The following TGM3 variants were observed in gnomAD, a reference collection of about 807,000 sequenced individuals.
TGM3 encodes the protein protein-glutamine gamma-glutamyltransferase E.
In TGM3, 52 loss-of-function variants were observed where a neutral mutation model predicts 73.8. The ratio of observed to expected loss-of-function variants is 0.70; its 90% confidence interval spans 0.56 to 0.89. TGM3 has a LOEUF of 0.89. Among genes scored for constraint, TGM3 ranks in the 40% least tolerant of loss-of-function variants. TGM3 has a pLI of 0.00. For missense variants in TGM3, 928 were observed against 909.9 expected (o/e 1.02, Z -0.26); for synonymous variants, 372 against 354.9 (o/e 1.05, Z -0.54).
chr20:2,328,062 G>T lies in TGM3; in HGVS notation c.1088-58G>T. On this transcript the variant is annotated intron_variant, in intron 8 of 12. Transcript: ENST00000381458. This position sits in a 1 kb window ranked among gnomAD's most constrained non-coding sequence, Gnocchi z 5.2. ...TGGTCCTGGAAGGCCCTGGGGAATC[G>T]GGCACTGGGTAGGTTGTGGCCTTGG... The T allele has an allele frequency of 6.2e-7, 1 of 1,605,746 alleles. No individual in the cohort carries two copies.
chr20:2,321,586 G>A (rs1817372623), intron 7 of TGM3, among the ~76,000 whole-genome samples: 1 of 152,194 alleles, frequency 6.6e-6, no homozygotes, highest in African/African-American at 2.4e-5. Context: ...GTCAAAGACT[G>A]CATGAGAATT....
chr20:2,311,553 T>G (rs2084203551), intron 4 of TGM3, among the ~76,000 whole-genome samples: 1 of 152,206 alleles, frequency 6.6e-6, no homozygotes, highest in Non-Finnish European at 1.5e-5. Context: ...CACACCCTTT[T>G]GTTCCTTTAT....
intron 5 of TGM3, 95 bp from the exon 6 acceptor site, chr20:2,316,973 C>A: frequency 6.9e-7 from 1 of 1,448,886 alleles, no homozygotes; most frequent in Non-Finnish European, 9.5e-7. Context: ...GGCTTCCTTC[C>A]TCATCTCCCC....
At chr20:2,314,721 C>CA (rs147426241) in intron 5 of TGM3, among the ~76,000 whole-genome samples, 4,149 of 149,838 alleles carry the variant, frequency 0.028, 104 homozygotes, top group African/African-American at 0.064. Flanking sequence ...AGCCTATCTC[C>CA]AAAAAAAAAG....
rs570352603 is a variant in TGM3, at chr20:2,319,168, T to C, written c.983+1683T>C. On this transcript the variant is annotated intron_variant, in intron 7 of 12. Transcript: ENST00000381458. ...TGTCCAAAATCCCATCGCAACCAGC[T>C]CTGATCACTGGGGCTATGCCATTCC... Among the ~76,000 whole-genome samples the C allele has an allele frequency of 5.9e-5, 9 of 152,308 alleles. No homozygotes were observed. The South Asian group carries it at 1.9e-3, about 32-fold the overall frequency.
chr20:2,307,976 C>CT (rs1248262885), intron 1 of TGM3, among the ~76,000 whole-genome samples: 1 of 152,128 alleles, frequency 6.6e-6, no homozygotes. Context: ...AATCCCAGCA[C>CT]TTTGGGATGC....
intron 1 of TGM3, among the ~76,000 whole-genome samples, chr20:2,300,000 G>T: frequency 6.6e-6 from 1 of 152,110 alleles, no homozygotes; most frequent in South Asian, 2.1e-4. Context: ...GGAGGCTGAG[G>T]TTACAGTGAG....
In TGM3 at chr20:2,328,737, A is replaced by G. The variant is rs911430897; in HGVS notation, c.1333+372A>G. On this transcript the variant is annotated intron_variant, in intron 9 of 12. Transcript: ENST00000381458. This position sits in a 1 kb window ranked among gnomAD's most constrained non-coding sequence, Gnocchi z 5.2. ...GGGCTTTGGGAGAGATTTCTCCATC[A>G]GTCTGCTCCCTTAGCCTCTGAGAAA... Among the ~76,000 whole-genome samples, 6 of 152,256 alleles carry G rather than the reference A, an allele frequency of 3.9e-5. No homozygotes were observed. The highest frequency in any genetic ancestry group is 2.1e-4 in the South Asian group (1 of 4,838).
At chr20:2,327,159 T>C (rs2084292423) in intron 8 of TGM3, among the ~76,000 whole-genome samples, 1 of 152,054 alleles carries the variant, frequency 6.6e-6, no homozygotes. Flanking sequence ...GAACATAAAC[T>C]ATCAAGGCTC....
chr20:2,306,356 TAAG>T (rs60229792), intron 1 of TGM3, among the ~76,000 whole-genome samples: 113,388 of 151,828 alleles, frequency 0.75, 43,908 homozygotes, highest in East Asian at 0.93. Context: ...GAAAAATCTC[TAAG>T]AAGGCTCAAG....
intron 7 of TGM3, among the ~76,000 whole-genome samples, chr20:2,323,249 C>A (rs764959548): frequency 9.8e-5 from 15 of 152,318 alleles, no homozygotes; most frequent in African/African-American, 3.6e-4. Flanking sequence ...AAGTCCATTG[C>A]GTCATTCTTA....
intron 1 of TGM3, among the ~76,000 whole-genome samples, chr20:2,304,290 AC>A (rs2084166396): frequency 6.6e-6 from 1 of 152,118 alleles, no homozygotes; most frequent in South Asian, 2.1e-4. Context: ...GGGTTAAGGG[AC>A]AGGACGATGA....
chr20:2,328,786 G>C lies in TGM3; in HGVS notation c.1333+421G>C, dbSNP rs557559714. Among the ~76,000 whole-genome samples the C allele has an allele frequency of 6.6e-6, 1 of 152,344 alleles. No individual in the cohort carries two copies. Among genetic ancestry groups the C allele is most frequent in the African/African-American group, 2.4e-5 (1 of 41,578 alleles). On this transcript the variant is annotated intron_variant, in intron 9 of 12. Transcript: ENST00000381458. The surrounding 1 kb of genome is among the most constrained non-coding windows in gnomAD (Gnocchi z 5.2). Reference sequence around the variant, plus strand: ...AACTCAGGGAGAAAACCATCTGAACGAAGAAAGGGACAAAGAAACCCAGAG... The same window carrying C: ...AACTCAGGGAGAAAACCATCTGAACCAAGAAAGGGACAAAGAAACCCAGAG...
chr20:2,329,758 A>T (rs1355916496), intron 9 of TGM3, among the ~76,000 whole-genome samples: 2 of 152,194 alleles, frequency 1.3e-5, no homozygotes, highest in African/African-American at 2.4e-5. Flanking sequence ...CACCCGAAGA[A>T]TGAGAAGAGC....
At chr20:2,320,841 A>G (rs2084258782) in intron 7 of TGM3, among the ~76,000 whole-genome samples, 1 of 152,078 alleles carries the variant, frequency 6.6e-6, no homozygotes, top group African/African-American at 2.4e-5. Context: ...AGTTATCTTG[A>G]CTTTTCTGGC....
In TGM3 at chr20:2,340,681, C is replaced by T. The variant is rs1488204055; in HGVS notation, c.*100C>T. ...CCCATGCTGTCCGGCCTGGGAAACC[C>T]TCTCCATCTCCCAAGGCTGCCAGAC... On this transcript the variant is annotated 3_prime_UTR_variant, in exon 13 of 13. Coordinates refer to ENST00000381458, the MANE Select transcript of TGM3 (RefSeq NM_003245.4). 14 of 1,489,484 alleles carry T rather than the reference C, an allele frequency of 9.4e-6. No individual in the cohort carries two copies. The highest frequency in any genetic ancestry group is 1.3e-5 in the Non-Finnish European group (14 of 1,087,126). 92.3% of individuals were successfully genotyped at this position (1,489,484 alleles called of 1,614,324 possible). A position where few individuals can be genotyped will look rare whatever the true frequency, so the allele number is the denominator to read the frequency against.
intron 7 of TGM3, among the ~76,000 whole-genome samples, chr20:2,325,057 G>T (rs1354111592): frequency 6.6e-6 from 1 of 152,162 alleles, no homozygotes; most frequent in South Asian, 2.1e-4. Context: ...GGTCTGCTTA[G>T]AACTATCTTT....
rs369483288 is a variant in TGM3, at chr20:2,325,486, G to A, written c.984-363G>A. On this transcript the variant is annotated intron_variant, in intron 7 of 12. Coordinates refer to ENST00000381458, the MANE Select transcript of TGM3 (RefSeq NM_003245.4). ...GAGAAAGCTGTGTGGGTTTGCCCCT[G>A]GGTGGCTGGCTCCAATCTGGATTCG... 1.2e-4 allele frequency among the ~76,000 whole-genome samples: 18 copies of A among 152,162 alleles called. No individual in the cohort carries two copies. The East Asian group carries it at 1.3e-3, about 11-fold the overall frequency.
intron 7 of TGM3, among the ~76,000 whole-genome samples, chr20:2,320,258 C>T (rs2084255714): frequency 6.6e-6 from 1 of 152,224 alleles, no homozygotes; most frequent in Non-Finnish European, 1.5e-5. Context: ...GGAGATTAAG[C>T]ATTAGAAGTG....
Sources: allele counts gnomAD v4.1 joint callset (sites outside exome capture counted in the v4.1 genomes callset), GRCh38; gene constraint gnomAD v4.1.1; non-coding constraint Gnocchi (gnomAD v3.1); transcripts MANE v1.5; gene names NCBI Gene and HGNC (gene_info 2026-07-23, HGNC 2026-07-21).